The following DUS3L variants were observed in gnomAD, a reference collection of about 807,000 sequenced individuals.
DUS3L encodes dihydrouridine synthase 3 like.
A neutral mutation model predicts 74.6 loss-of-function variants in DUS3L; 62 were observed. That is an observed-to-expected ratio of 0.83 (90% confidence interval 0.68 to 1.03). The LOEUF is 1.03. Ranked by LOEUF, DUS3L falls within the 50% of genes least tolerant of loss-of-function variation. DUS3L has a pLI of 0.00. For missense variants in DUS3L, 884 were observed against 924.4 expected, an observed-to-expected ratio of 0.96 and a Z score of 0.57; for synonymous variants, 433 against 395.7, an observed-to-expected ratio of 1.09 and a Z score of -1.12.
rs1337796977 is a variant in DUS3L at position 5,787,347 on chromosome 19, G to A, written c.1227C>T (p.Ala409=). ...GGAACTTGGTGGAGCGATTCATGAGGGCACAGCCCCCACCCTGGAAGAGAC... is the reference window on the plus strand; with the variant it reads ...GGAACTTGGTGGAGCGATTCATGAGAGCACAGCCCCCACCCTGGAAGAGAC... ...DLVYKKGGGC[A]LMNRSTKFQQ... Residue 409 remains alanine, a synonymous_variant, in exon 7 of 13, where the codon GCC becomes GCT. Coordinates refer to ENST00000309061, the MANE Select transcript of DUS3L (RefSeq NM_020175.3). 1 of 1,613,420 alleles carries A rather than the reference G, an allele frequency of 6.2e-7. No homozygotes were observed. The highest frequency in any genetic ancestry group is 8.5e-7 in the Non-Finnish European group (1 of 1,179,868).
intron 5 of DUS3L, 37 bp downstream of exon 5, chr19:5,787,987 G>T: frequency 1.9e-6 from 3 of 1,606,562 alleles, no homozygotes; most frequent in Non-Finnish European, 2.5e-6. Flanking sequence ...ACGGCCGAGG[G>T]CCCCTCCACT....
chr19:5,788,386 C>T lies in DUS3L; in HGVS notation c.913G>A (p.Gly305Ser), dbSNP rs2056876136. 1 of 1,613,606 alleles carries T rather than the reference C, an allele frequency of 6.2e-7. No homozygotes were observed. Among genetic ancestry groups the T allele is most frequent in the South Asian group, 1.1e-5 (1 of 91,058 alleles). The change falls in exon 4 of 13, where the codon GGC becomes AGC. Residue 305 changes from glycine to serine, a missense_variant. Coordinates refer to ENST00000309061, the MANE Select transcript of DUS3L (RefSeq NM_020175.3). ...PCEKKRLDIR[G>S]KLYLAPLTTC... Reference sequence around the variant, plus strand: ...GTGAGGGGGGCCAGGTAAAGTTTGCCACGGATGTCCAGCTGGAGGGAAAAA... The same window carrying T: ...GTGAGGGGGGCCAGGTAAAGTTTGCTACGGATGTCCAGCTGGAGGGAAAAA...
chr19:5,790,372 T>C (rs561384379), intron 1 of DUS3L, 37 bp from the exon 2 acceptor site: 3 of 1,611,900 alleles, frequency 1.9e-6, no homozygotes, highest in African/African-American at 1.3e-5. Context: ...CCTCCGAACA[T>C]AGTCAATAAA....
chr19:5,789,506 T>A lies in DUS3L; in HGVS notation c.601A>T (p.Thr201Ser). 1 of 1,604,980 alleles carries A rather than the reference T, an allele frequency of 6.2e-7. No homozygotes were observed. The change falls in exon 3 of 13, where the codon ACC becomes TCC. Residue 201 changes from threonine to serine, a missense_variant. By Grantham distance (58) the Thr-to-Ser change is moderately conservative (BLOSUM62 1). Transcript: ENST00000309061. Reference sequence around the variant, plus strand: ...CCGTTGCGGATGGACGGGGGCTGGGTCCCGCGGGCCGCCAACTCCTCCTGC... The same window carrying A: ...CCGTTGCGGATGGACGGGGGCTGGGACCCGCGGGCCGCCAACTCCTCCTGC... ...LVQEELAARG[T>S]QPPSIRNGLD... is the part of the protein sequence containing the mutation.
intron 6 of DUS3L, 35 bp from the exon 7 acceptor site, chr19:5,787,396 C>G (rs201737399): frequency 6.2e-7 from 1 of 1,607,146 alleles, no homozygotes; most frequent in Non-Finnish European, 8.5e-7. Flanking sequence ...GAGGGCAGGA[C>G]GTGGGCTGAC....
In DUS3L at chr19:5,785,189, G is replaced by A. The variant is rs1437317824; in HGVS notation, c.*14C>T. The A allele has an allele frequency of 6.3e-7, 1 of 1,597,590 alleles. No homozygotes were observed. Among genetic ancestry groups the A allele is most frequent in the Non-Finnish European group, 8.5e-7 (1 of 1,172,624 alleles). Reference sequence around the variant, plus strand: ...ACTCTCCTCGCCCCAGGGTGCCCCTGGGAAAGCCTGAGGCTACTTGTACGC... The same window carrying A: ...ACTCTCCTCGCCCCAGGGTGCCCCTAGGAAAGCCTGAGGCTACTTGTACGC... On this transcript the variant is annotated 3_prime_UTR_variant, in exon 13 of 13. Transcript: ENST00000309061.
intron 9 of DUS3L, 29 bp from the exon 10 acceptor site, chr19:5,786,571 G>A (rs747910336): frequency 1.2e-6 from 2 of 1,610,230 alleles, no homozygotes; most frequent in Admixed American, 1.7e-5. Flanking sequence ...GGGTCTCAGG[G>A]AGACATGGGC....
Position 5,788,147 on chromosome 19 carries a change from G to C in DUS3L, c.972C>G (p.Cys324Trp). ...ATGTCACATCCGCCCCGAAGCGCTT[G>C]CAGATCCGTCGGAAGGGCAGGTTCC... ...TCGNLPFRRI[C>W]KRFGADVTCG... The change falls in exon 5 of 13, where the codon TGC becomes TGG. Residue 324 changes from cysteine (C) to tryptophan (W), a missense_variant. By Grantham distance (215) the Cys-to-Trp change is radical. Coordinates refer to ENST00000309061, the MANE Select transcript of DUS3L (RefSeq NM_020175.3). 6.2e-7 allele frequency: 1 copy of C among 1,613,556 alleles called. No individual in the cohort carries two copies. Among genetic ancestry groups the C allele is most frequent in the Non-Finnish European group, 8.5e-7 (1 of 1,180,022 alleles).
At chr19:5,786,027 G>A (rs1047862311) in intron 10 of DUS3L, 33 of 536,106 alleles carry the variant, frequency 6.2e-5, no homozygotes, top group Non-Finnish European at 9.7e-5. Context: ...TCGGCTCACT[G>A]TTCAACCTCC....
At chr19:5,790,852 TG>T (rs1568389638) in intron 1 of DUS3L, 191 bp downstream of exon 1, 1 of 619,522 alleles carries the variant, frequency 1.6e-6, no homozygotes, top group Non-Finnish European at 2.9e-6. Context: ...CCTTCGCGCA[TG>T]TGACAGGCCC....
intron 1 of DUS3L, 59 bp from the exon 2 acceptor site, chr19:5,790,394 G>T: frequency 1.3e-6 from 2 of 1,599,934 alleles, no homozygotes; most frequent in Non-Finnish European, 1.7e-6. Flanking sequence ...ACTGGGGAAA[G>T]GAGGCTAGAA....
rs75954858 is a variant in DUS3L, at chr19:5,787,121, A to G, written c.1329T>C (p.Arg443=). ...GCAGCAGGCGGTGCGCCAGGTTCAC[A>G]CGCTCCTGGACGCCTGTGCGGATCT... ...TVKIRTGVQE[R]VNLAHRLLPE... Residue 443 remains arginine (R), a synonymous_variant, in exon 8 of 13, where the codon CGT becomes CGC. Transcript: ENST00000309061. 1.2e-3 allele frequency: 1,218 copies of G among 1,005,174 alleles called. 8 individuals carry two copies. In the African/African-American group the frequency reaches 0.048, roughly 40 times the overall value. The allele number at this position is 1,005,174 out of a possible 1,614,324, so 62.3% of individuals were successfully genotyped here.
At position 5,785,619 on chromosome 19, in the gene DUS3L, G is replaced by A. The variant is rs762936355; in HGVS notation, c.1735C>T (p.Leu579=). The A allele has an allele frequency of 3.7e-6, 6 of 1,607,662 alleles. No individual in the cohort carries two copies. Among genetic ancestry groups the A allele is most frequent in the East Asian group, 4.5e-5 (2 of 44,782 alleles). Residue 579 remains leucine (L), a synonymous_variant, in exon 11 of 13, where the codon CTG becomes TTG. Transcript: ENST00000309061. ...EKTRRFLLEW[L]SFLCRYVPVG... The stretch of plus-strand genomic sequence containing the variant: ...GGTGCCCACCGGCACAGGAAGGACA[G>A]CCACTCGAGCAGAAAGCGCCGGGTC...
At chr19:5,790,438 G>A (rs2056898889) in intron 1 of DUS3L, 103 bp from the exon 2 acceptor site, 1 of 1,415,948 alleles carries the variant, frequency 7.1e-7, no homozygotes, top group African/African-American at 1.4e-5. Context: ...TCTGCTGATG[G>A]GGAGCTCACT....
chr19:5,791,049 C>T lies in DUS3L; in HGVS notation c.93G>A (p.Lys31=), dbSNP rs369940485. The change falls in exon 1 of 13, where the codon AAG becomes AAA. Residue 31 remains lysine (K), a synonymous_variant. Transcript: ENST00000309061. Reference sequence around the variant, plus strand: ...CTCCTGCCCCGGCGACTCACTGACGCTTAATGGGCGCCACTCCTCGTTCCA... The same window carrying T: ...CTCCTGCCCCGGCGACTCACTGACGTTTAATGGGCGCCACTCCTCGTTCCA... ...GALERGVAPI[K]RQYLTTKEQF... 1.9e-6 allele frequency: 3 copies of T among 1,601,842 alleles called. No individual in the cohort carries two copies. Among genetic ancestry groups the T allele is most frequent in the African/African-American group, 1.3e-5 (1 of 74,800 alleles).
intron 1 of DUS3L, among the ~76,000 whole-genome samples, 182 bp from the exon 2 acceptor site, chr19:5,790,517 G>C (rs2056899607): frequency 6.6e-6 from 1 of 152,070 alleles, no homozygotes; most frequent in African/African-American, 2.4e-5. Context: ...TTTTGTCCCT[G>C]GGTCCTCACT....
chr19:5,786,506 C>T lies in DUS3L; in HGVS notation c.1523G>A (p.Arg508His), dbSNP rs147413719. 721 of 1,613,100 alleles carry T rather than the reference C, an allele frequency of 4.5e-4. 1 individual carries two copies. Among genetic ancestry groups the T allele is most frequent in the Non-Finnish European group, 5.8e-4 (689 of 1,179,938 alleles). The change falls in exon 10 of 13, where the codon CGC (arginine) becomes CAC (histidine). Residue 508 changes from arginine to histidine, a missense_variant. Coordinates refer to ENST00000309061, the MANE Select transcript of DUS3L (RefSeq NM_020175.3). ...CCCGGTGACACCAGTCTGCATGGCGCGGTTGGCATCCTCAAATGACAAGAT... is the reference window on the plus strand; with the variant it reads ...CCCGGTGACACCAGTCTGCATGGCGTGGTTGGCATCCTCAAATGACAAGAT... ...GDILSFEDAN[R>H]AMQTGVTGIM...
rs774336662 is a variant in DUS3L at position 5,788,388 on chromosome 19, CG to C, written c.910del (p.Arg304ValfsTer28). 6.2e-7 allele frequency: 1 copy of C among 1,613,584 alleles called. No individual in the cohort carries two copies. The highest frequency in any genetic ancestry group is 8.5e-7 in the Non-Finnish European group (1 of 1,179,936). ...GAGGGGGGCCAGGTAAAGTTTGCCA[CG>C]GATGTCCAGCTGGAGGGAAAAAAAT... ...RPCEKKRLDIRGKLYLAPLTT... is the reference protein window; with the variant it reads ...RPCEKKRLDIXGKLYLAPLTT... On this transcript the variant is annotated frameshift_variant, in exon 4 of 13. Coordinates refer to ENST00000309061, the MANE Select transcript of DUS3L (RefSeq NM_020175.3). LOFTEE classifies it high-confidence loss of function.
chr19:5,789,921 A>T, intron 2 of DUS3L, 126 bp downstream of exon 2: 1 of 1,371,296 alleles, frequency 7.3e-7, no homozygotes. Context: ...TGAAGACGGA[A>T]TGGCATCAGA....
Sources: allele counts gnomAD v4.1 joint callset (sites outside exome capture counted in the v4.1 genomes callset), GRCh38; gene constraint gnomAD v4.1.1; transcripts MANE v1.5; gene names NCBI Gene and HGNC (gene_info 2026-07-23, HGNC 2026-07-21).